Variants in WWOX observed in about 807,000 individuals in gnomAD.
WWOX encodes WW domain-containing oxidoreductase.
A neutral mutation model predicts 46.2 loss-of-function variants in WWOX; 69 were observed. That is an observed-to-expected ratio of 1.49 (90% CI 1.23 to 1.82). The LOEUF is 1.82. Among genes scored for constraint, WWOX ranks in the 40% most tolerant of loss-of-function variants. The pLI is 0.00. For missense variants in WWOX, 919 were observed against 542.6 expected, an observed-to-expected ratio of 1.69 and a Z score of -6.89; for synonymous variants, 359 against 202.6, an observed-to-expected ratio of 1.77 and a Z score of -6.56.
chr16:79,174,261 C>G (rs946260959), intron 8 of WWOX, among the ~76,000 whole-genome samples: 2 of 152,200 alleles, frequency 1.3e-5, no homozygotes, highest in Non-Finnish European at 2.9e-5. Context: ...TTTCTGTTTC[C>G]TTACCTGTCA....
At chr16:78,358,188 C>G (rs960892449) in intron 5 of WWOX, among the ~76,000 whole-genome samples, 1 of 152,094 alleles carries the variant, frequency 6.6e-6, no homozygotes, top group Non-Finnish European at 1.5e-5. Flanking sequence ...CAACAATTCT[C>G]CTATCGAAAG....
chr16:79,150,719 C>T (rs990003634), intron 8 of WWOX, among the ~76,000 whole-genome samples: 2 of 152,094 alleles, frequency 1.3e-5, no homozygotes, highest in African/African-American at 4.8e-5. Flanking sequence ...GTTGTCCAGG[C>T]CACCCTGGAA....
chr16:78,273,301 G>A (rs776023997), intron 5 of WWOX, among the ~76,000 whole-genome samples: 1 of 151,908 alleles, frequency 6.6e-6, no homozygotes, highest in South Asian at 2.1e-4. Context: ...TCCCCAGGTG[G>A]TTGAACTTTC....
intron 8 of WWOX, among the ~76,000 whole-genome samples, chr16:78,780,900 C>A (rs1244796384): frequency 6.6e-6 from 1 of 152,166 alleles, no homozygotes; most frequent in East Asian, 1.9e-4. Flanking sequence ...ATCTGTCTGG[C>A]TGCCTTGGGG....
chr16:78,619,184 T>A (rs868377458), intron 8 of WWOX, among the ~76,000 whole-genome samples: 854 of 18,756 alleles, frequency 0.046, 281 homozygotes, highest in Middle Eastern at 0.075. Context: ...TATATATATA[T>A]ATATATATAT....
chr16:78,236,174 C>G (rs1289926217), intron 5 of WWOX, among the ~76,000 whole-genome samples: 1 of 152,198 alleles, frequency 6.6e-6, no homozygotes, highest in African/African-American at 2.4e-5. Context: ...CTGAATCTTT[C>G]TAATCTCGTG....
intron 6 of WWOX, among the ~76,000 whole-genome samples, chr16:78,401,738 C>T (rs555043187): frequency 7.2e-5 from 11 of 152,064 alleles, no homozygotes; most frequent in African/African-American, 1.9e-4. Context: ...CTTGCTCTGT[C>T]GCCCAGGCTG....
intron 8 of WWOX, among the ~76,000 whole-genome samples, chr16:78,924,942 T>G (rs950792697): frequency 6.6e-6 from 1 of 152,142 alleles, no homozygotes; most frequent in Non-Finnish European, 1.5e-5. Context: ...TGCTTGTAAT[T>G]CCAGCACTTT....
At chr16:78,619,471 G>A (rs2046123231) in intron 8 of WWOX, among the ~76,000 whole-genome samples, 1 of 150,730 alleles carries the variant, frequency 6.6e-6, no homozygotes, top group Non-Finnish European at 1.5e-5. Context: ...GCACCCACAT[G>A]TTATACACAG....
At chr16:79,182,069 T>TCCCCACCCTTCCCCACCCCA (rs2050922935) in intron 8 of WWOX, among the ~76,000 whole-genome samples, 1 of 149,740 alleles carries the variant, frequency 6.7e-6, no homozygotes, top group African/African-American at 2.5e-5. Flanking sequence ...CCTTCCAACA[T>TCCCCACCCTTCCCCACCCCA]CCCCACCCTA....
At chr16:78,632,433 G>C (rs1047159876) in intron 8 of WWOX, among the ~76,000 whole-genome samples, 2 of 151,918 alleles carry the variant, frequency 1.3e-5, no homozygotes, top group Non-Finnish European at 2.9e-5. Flanking sequence ...TAACGTCGCA[G>C]ATGTTATTTT....
At chr16:78,653,131 G>A (rs893801178) in intron 8 of WWOX, among the ~76,000 whole-genome samples, 3 of 150,960 alleles carry the variant, frequency 2.0e-5, no homozygotes, top group South Asian at 2.1e-4. Context: ...AATTGGGCTC[G>A]TAATATATAG....
intron 8 of WWOX, among the ~76,000 whole-genome samples, chr16:78,476,150 G>C (rs886669726): frequency 2.0e-4 from 31 of 152,198 alleles, no homozygotes; most frequent in African/African-American, 7.0e-4. Context: ...GAAGCTACTG[G>C]ATAGAACTGG....
intron 5 of WWOX, among the ~76,000 whole-genome samples, chr16:78,313,363 G>GTTTTTCT (rs894616789): frequency 5.8e-4 from 88 of 152,208 alleles, no homozygotes; most frequent in African/African-American, 2.6e-4. Context: ...GTGTTTCGTT[G>GTTTTTCT]TTTTTCTTTT....
chr16:78,757,100 A>C, intron 8 of WWOX: 1 of 690,034 alleles, frequency 1.4e-6, no homozygotes. Context: ...CTTGACTGGA[A>C]CTTTATTTGA....
chr16:78,584,653 C>G (rs931749356), intron 8 of WWOX, among the ~76,000 whole-genome samples: 1 of 152,168 alleles, frequency 6.6e-6, no homozygotes, highest in Non-Finnish European at 1.5e-5. Context: ...TATGATACCA[C>G]TTGTGTAAAC....
chr16:78,324,444 CAA>C (rs1400544274), intron 5 of WWOX, among the ~76,000 whole-genome samples: 1 of 151,962 alleles, frequency 6.6e-6, no homozygotes, highest in African/African-American at 2.4e-5. Context: ...AGGTACGTAT[CAA>C]AGAGAAATGA....
At chr16:78,479,400 C>G (rs1007988647) in intron 8 of WWOX, among the ~76,000 whole-genome samples, 63 of 152,116 alleles carry the variant, frequency 4.1e-4, no homozygotes, top group African/African-American at 1.4e-3. Context: ...TTAGAGAATG[C>G]TTTCATTGTA....
In WWOX at chr16:78,219,214, A is replaced by G. The variant is rs530707378; in HGVS notation, c.516+54925A>G. On this transcript the variant is annotated intron_variant, in intron 5 of 8. Transcript: ENST00000566780. ...AGTGGAGCAGAGTTAAAAAAAAAAA[A>G]TCACTGGATTTGAAGTTGGCCTATG... Among the ~76,000 whole-genome samples the G allele has an allele frequency of 2.0e-5, 3 of 152,064 alleles. No homozygotes were observed. The South Asian group carries it at 6.2e-4, about 32-fold the overall frequency.
Sources: gnomAD v4.1 joint callset for allele counts (sites outside exome capture counted in the v4.1 genomes callset) on GRCh38, gnomAD v4.1.1 for gene constraint, MANE v1.5 for transcripts, NCBI Gene and HGNC (gene_info 2026-07-23, HGNC 2026-07-21) for gene names.